ANO6: variants seen among roughly 807,000 people sequenced by gnomAD.
ANO6 encodes anoctamin-6.
ANO6 carries 106 observed loss-of-function variants against 117.5 expected under a neutral mutation model. The ratio of observed to expected loss-of-function variants is 0.90; its 90% CI spans 0.77 to 1.06. The LOEUF (loss-of-function observed/expected upper bound fraction) is 1.06. Ranked by LOEUF, ANO6 falls within the 50% of genes least tolerant of loss-of-function variation. The pLI is 0.00. For missense variants in ANO6, 955 were observed against 1,121.1 expected (o/e 0.85, Z 2.12); for synonymous variants, 367 against 385.1 (o/e 0.95, Z 0.55).
chr12:45,422,281 T>A lies in ANO6; in HGVS notation c.2421-676T>A, dbSNP rs1220801980. Among the ~76,000 whole-genome samples the A allele has an allele frequency of 2.0e-5, 3 of 152,124 alleles. No individual in the cohort carries two copies. The East Asian group carries it at 5.8e-4, about 29-fold the overall frequency. On this transcript the variant is annotated intron_variant, in intron 18 of 19. Coordinates refer to ENST00000320560, the MANE Select transcript of ANO6 (RefSeq NM_001025356.3). Reference sequence around the variant, plus strand: ...CTCTGTATGAGGAGAGAGAGTCCCATAGCTGAGTGAACCCTGATGATACCA... The same window carrying A: ...CTCTGTATGAGGAGAGAGAGTCCCAAAGCTGAGTGAACCCTGATGATACCA...
chr12:45,262,302 T>C (rs777690445), intron 1 of ANO6, among the ~76,000 whole-genome samples: 1 of 152,262 alleles, frequency 6.6e-6, no homozygotes, highest in Admixed American at 6.5e-5. Context: ...TTATCTCTTT[T>C]ATTGGGTTAA....
At chr12:45,384,379 T>G (rs1445294896) in intron 10 of ANO6, among the ~76,000 whole-genome samples, 1 of 152,262 alleles carries the variant, frequency 6.6e-6, no homozygotes, top group African/African-American at 2.4e-5. Flanking sequence ...TCAAGAACTT[T>G]TCCTTTGCAC....
rs562727163 is a variant in ANO6, at chr12:45,279,133, T to A, written c.71-22881T>A. ...AAGTCTTTTCCTAGGTAGGGTGGGG[T>A]TGGGAGGCAACCACTTGTCTTTAAG... On this transcript the variant is annotated intron_variant, in intron 1 of 19. Coordinates refer to ENST00000320560, the MANE Select transcript of ANO6 (RefSeq NM_001025356.3). 3.3e-5 allele frequency among the ~76,000 whole-genome samples: 5 copies of A among 152,202 alleles called. No individual in the cohort carries two copies. In the South Asian group the frequency reaches 8.3e-4, roughly 25 times the overall value.
chr12:45,257,960 A>G (rs1186756234), intron 1 of ANO6, among the ~76,000 whole-genome samples: 2 of 152,234 alleles, frequency 1.3e-5, no homozygotes, highest in Non-Finnish European at 2.9e-5. Flanking sequence ...TAGGTTTATC[A>G]CAATGCTTAT....
chr12:45,244,406 G>GC (rs998736370), intron 1 of ANO6, among the ~76,000 whole-genome samples: 2 of 144,720 alleles, frequency 1.4e-5, no homozygotes, highest in South Asian at 2.2e-4. Context: ...CTCTATTTGG[G>GC]GGGGGGGGGT....
At chr12:45,413,131 G>A (rs1278892736) in intron 16 of ANO6, among the ~76,000 whole-genome samples, 3 of 152,164 alleles carry the variant, frequency 2.0e-5, no homozygotes, top group African/African-American at 7.2e-5. Flanking sequence ...CAAGATAACT[G>A]CATAACATTT....
At chr12:45,327,171 A>C (rs960920311) in intron 2 of ANO6, among the ~76,000 whole-genome samples, 7 of 152,090 alleles carry the variant, frequency 4.6e-5, no homozygotes, top group Non-Finnish European at 7.4e-5. Context: ...GCACTCCACA[A>C]AAAAAAAGAG....
chr12:45,400,866 G>C (rs112426367), intron 12 of ANO6, among the ~76,000 whole-genome samples: 1 of 152,208 alleles, frequency 6.6e-6, no homozygotes, highest in Non-Finnish European at 1.5e-5. Context: ...CACACCTTGA[G>C]TGCATGGTTC....
chr12:45,244,926 G>T (rs763625267), intron 1 of ANO6, among the ~76,000 whole-genome samples: 10 of 152,156 alleles, frequency 6.6e-5, no homozygotes, highest in Non-Finnish European at 1.3e-4. Flanking sequence ...CAATTAATGC[G>T]GTGACAAAAA....
At position 45,396,208 on chromosome 12, in the gene ANO6, G is replaced by A. The variant is rs1445262040; in HGVS notation, c.1387-5587G>A. On this transcript the variant is annotated intron_variant, in intron 12 of 19. Coordinates refer to ENST00000320560, the MANE Select transcript of ANO6 (RefSeq NM_001025356.3). Reference sequence around the variant, plus strand: ...TCCTATACACCATTAGGAGACAAACGAAGAGCCAAATCATGAGTGAACTCC... The same window carrying A: ...TCCTATACACCATTAGGAGACAAACAAAGAGCCAAATCATGAGTGAACTCC... Among the ~76,000 whole-genome samples the A allele has an allele frequency of 2.6e-5, 4 of 151,920 alleles. No homozygotes were observed. In the East Asian group the frequency reaches 5.8e-4, roughly 22 times the overall value.
At chr12:45,427,868 G>C (rs1290255006) in intron 19 of ANO6, among the ~76,000 whole-genome samples, 3 of 147,122 alleles carry the variant, frequency 2.0e-5, no homozygotes, top group African/African-American at 7.5e-5. Context: ...GAACCCGGAA[G>C]ATGGAGGTTG....
chr12:45,371,980 G>A (rs1205829845), intron 9 of ANO6, among the ~76,000 whole-genome samples: 1 of 152,130 alleles, frequency 6.6e-6, no homozygotes, highest in African/African-American at 2.4e-5. Context: ...TTAGAAGAAT[G>A]TATAACTAGA....
chr12:45,347,368 C>CA (rs566333130), intron 4 of ANO6: 10 of 402,924 alleles, frequency 2.5e-5, no homozygotes, highest in Non-Finnish European at 4.4e-5. Flanking sequence ...TTTTGTTATA[C>CA]AAAAAATAGT....
Position 45,431,438 on chromosome 12 carries a change from T to A in ANO6, c.*2127T>A. On this transcript the variant is annotated 3_prime_UTR_variant, in exon 20 of 20. Coordinates refer to ENST00000320560, the MANE Select transcript of ANO6 (RefSeq NM_001025356.3). ...AAATGTTTTTACCTTATCTCCTGTA[T>A]GTATGATAGAACTTAAAAGAAATGT... 1 of 985,428 alleles carries A rather than the reference T, an allele frequency of 1.0e-6. No individual in the cohort carries two copies. The allele number at this position is 985,428 out of a possible 1,614,324, so 61.0% of individuals were successfully genotyped here.
chr12:45,359,576 T>G (rs1248676780), intron 8 of ANO6, among the ~76,000 whole-genome samples: 1 of 152,256 alleles, frequency 6.6e-6, no homozygotes, highest in Admixed American at 6.5e-5. Flanking sequence ...CTTCTTTCAT[T>G]TCACCTACTG....
intron 9 of ANO6, among the ~76,000 whole-genome samples, chr12:45,372,926 A>G (rs1014178000): frequency 1.3e-5 from 2 of 152,228 alleles, no homozygotes; most frequent in Non-Finnish European, 2.9e-5. Context: ...CAAATTGGAT[A>G]AAGAGTCAAG....
chr12:45,371,194 T>C (rs1941822507), intron 9 of ANO6, among the ~76,000 whole-genome samples: 1 of 152,228 alleles, frequency 6.6e-6, no homozygotes, highest in African/African-American at 2.4e-5. Flanking sequence ...ATCCCGCACC[T>C]GGCTCGGAGG....
chr12:45,373,345 T>G (rs1017063305), intron 9 of ANO6, among the ~76,000 whole-genome samples: 62 of 151,270 alleles, frequency 4.1e-4, no homozygotes, highest in African/African-American at 1.5e-3. Flanking sequence ...TGAACTCAGC[T>G]CTGCACCAAG....
intron 16 of ANO6, among the ~76,000 whole-genome samples, chr12:45,413,772 G>T (rs1378728655): frequency 6.6e-6 from 1 of 150,952 alleles, no homozygotes; most frequent in East Asian, 2.0e-4. Flanking sequence ...TACAGAGGGG[G>T]AAGAAAGGAA....
Sources: gnomAD v4.1 joint callset for allele counts (sites outside exome capture counted in the v4.1 genomes callset) on GRCh38, gnomAD v4.1.1 for gene constraint, MANE v1.5 for transcripts, NCBI Gene and HGNC (gene_info 2026-07-23, HGNC 2026-07-21) for gene names.